The following ARVCF variants were observed in gnomAD, a reference collection of about 807,000 sequenced individuals.
The protein encoded by ARVCF is ARVCF delta catenin family member.
In ARVCF, 66 loss-of-function variants were observed where a neutral mutation model predicts 90.9. The ratio of observed to expected loss-of-function variants is 0.73; its 90% CI spans 0.60 to 0.89. The LOEUF is 0.89. ARVCF is among the 40% of genes least tolerant of loss of function. The pLI is 0.00. For synonymous variants in ARVCF, 653 were observed against 603.4 expected (o/e 1.08, Z -1.21); for missense variants, 1,469 against 1,382.3 (o/e 1.06, Z -1.00).
intron 2 of ARVCF, among the ~76,000 whole-genome samples, chr22:19,993,403 A>C (rs1192938130): frequency 6.6e-6 from 1 of 152,262 alleles, no homozygotes; most frequent in East Asian, 1.9e-4. Context: ...AAGGAAAGCA[A>C]AATGTGCATG....
chr22:19,992,403 C>G (rs1158905103), intron 2 of ARVCF, among the ~76,000 whole-genome samples: 9 of 152,194 alleles, frequency 5.9e-5, no homozygotes, highest in African/African-American at 2.2e-4. Context: ...AACAGCACTG[C>G]ACTCCCCAAG....
At chr22:19,968,758 C>T (rs1406904538), downstream of ARVCF, 8 of 1,600,902 alleles carry the variant, frequency 5.0e-6, no homozygotes, top group Non-Finnish European at 6.8e-6. Flanking sequence ...GCCCCCCTCT[C>T]GGGCTCTCTC....
Position 19,973,303 on chromosome 22 carries a change from C to T in ARVCF, c.2254G>A (p.Ala752Thr). The change falls in exon 14 of 20, where the codon GCT (alanine) becomes ACT (threonine). Residue 752 changes from alanine to threonine, a missense_variant. Coordinates refer to ENST00000263207, the MANE Select transcript of ARVCF (RefSeq NM_001670.3). ...NKDLIGSYAM[A>T]ELVRNVRNAQ... ...TTGCGCACATTCCGCACAAGCTCAG[C>T]CATGGCGTAGCTCCCTGAGGGGCAG... is the stretch of plus-strand genomic sequence containing the variant. 1 of 1,600,280 alleles carries T rather than the reference C, an allele frequency of 6.2e-7. No individual in the cohort carries two copies. The highest frequency in any genetic ancestry group is 8.5e-7 in the Non-Finnish European group (1 of 1,177,174).
intron 2 of ARVCF, among the ~76,000 whole-genome samples, chr22:20,009,023 C>T (rs370118821): frequency 6.6e-6 from 1 of 152,326 alleles, no homozygotes; most frequent in African/African-American, 2.4e-5. Context: ...GCCAACCACC[C>T]TCCTGCGGAC....
intron 2 of ARVCF, 109 bp from the exon 3 acceptor site, chr22:19,990,921 A>G: frequency 1.8e-6 from 2 of 1,090,076 alleles, no homozygotes; most frequent in Non-Finnish European, 2.6e-6. Flanking sequence ...CCCAGACCAG[A>G]GCATCCAGCC....
chr22:19,990,067 T>C (rs1943968410), intron 3 of ARVCF, among the ~76,000 whole-genome samples: 1 of 152,202 alleles, frequency 6.6e-6, no homozygotes. Flanking sequence ...TTTAGAGTTC[T>C]TAGGGCCTGG....
chr22:19,973,173 C>A lies in ARVCF; in HGVS notation c.2384G>T (p.Arg795Leu), dbSNP rs1243379048. Residue 795 changes from arginine (R) to leucine (L), a missense_variant, in exon 14 of 20, where the codon CGC (arginine) becomes CTC (leucine). Coordinates refer to ENST00000263207, the MANE Select transcript of ARVCF (RefSeq NM_001670.3). Reference protein sequence around the residue: ...EIVSDSLDNARSLLQARGVPA... With the variant: ...EIVSDSLDNALSLLQARGVPA... ...CACCCCGCGTGCCTGCAGGAGCGAGCGCGCGTTATCCAGGCTGTCGGACAC... is the reference window on the plus strand; with the variant it reads ...CACCCCGCGTGCCTGCAGGAGCGAGAGCGCGTTATCCAGGCTGTCGGACAC... The A allele has an allele frequency of 1.2e-6, 2 of 1,610,502 alleles. No homozygotes were observed. The highest frequency in any genetic ancestry group is 4.5e-5 in the East Asian group (2 of 44,712).
intron 2 of ARVCF, among the ~76,000 whole-genome samples, chr22:19,995,229 T>C (rs765252086): frequency 1.1e-4 from 16 of 151,572 alleles, no homozygotes; most frequent in Non-Finnish European, 1.6e-4. Context: ...GAATGGTGGC[T>C]AGTTGGATGG....
intron 12 of ARVCF, 68 bp from the exon 13 acceptor site, chr22:19,973,861 C>A (rs140073587): frequency 1.9e-5 from 30 of 1,550,926 alleles, no homozygotes; most frequent in Non-Finnish European, 2.5e-5. Flanking sequence ...AGACGCTGAC[C>A]GCTCTCTCCA....
Position 19,970,679 on chromosome 22 carries a change from G to T in ARVCF, c.*77C>A, listed in dbSNP as rs112601269. The T allele has an allele frequency of 7.8e-7, 1 of 1,288,322 alleles. No individual in the cohort carries two copies. Among genetic ancestry groups the T allele is most frequent in the Non-Finnish European group, 1.0e-6 (1 of 988,392 alleles). The allele number at this position is 1,288,322 out of a possible 1,614,324, so 79.8% of individuals were successfully genotyped here. On this transcript the variant is annotated 3_prime_UTR_variant, in exon 20 of 20. Coordinates refer to ENST00000263207, the MANE Select transcript of ARVCF (RefSeq NM_001670.3). ...CAGGGGGCTCCAAGCTCCACGGCAC[G>T]ATCTGCTCAGGGTGGCCCTTCTTCC...
At position 19,973,118 on chromosome 22, in the gene ARVCF, C is replaced by T. The variant is rs1942931353; in HGVS notation, c.2438+1G>A. On this transcript the variant is annotated splice_donor_variant, in intron 14 of 19. Transcript: ENST00000263207. LOFTEE classifies it high-confidence loss of function. Reference sequence around the variant, plus strand: ...AAGCCACCGACCCCGCCCCTCCACACCTGGAGGCCACGAGAGCCACCAACG... The same window carrying T: ...AAGCCACCGACCCCGCCCCTCCACATCTGGAGGCCACGAGAGCCACCAACG... The T allele has an allele frequency of 6.2e-7, 1 of 1,605,330 alleles. No individual in the cohort carries two copies. Among genetic ancestry groups the T allele is most frequent in the African/African-American group, 1.3e-5 (1 of 74,530 alleles).
intron 3 of ARVCF, among the ~76,000 whole-genome samples, chr22:19,984,230 G>A (rs1347492324): frequency 2.0e-5 from 3 of 152,148 alleles, no homozygotes; most frequent in Non-Finnish European, 2.9e-5. Context: ...CTAGGCAGTG[G>A]GGGTAAGCGG....
intron 3 of ARVCF, among the ~76,000 whole-genome samples, chr22:19,989,776 G>A (rs188361270): frequency 9.1e-4 from 138 of 152,160 alleles, no homozygotes; most frequent in African/African-American, 3.1e-3. Context: ...CCCAGAGGCC[G>A]CAGCAGGAGG....
intron 6 of ARVCF, 80 bp downstream of exon 6, chr22:19,979,663 C>T (rs539678397): frequency 6.9e-5 from 102 of 1,476,452 alleles, no homozygotes; most frequent in South Asian, 1.1e-4. Flanking sequence ...GGTCGCAGGC[C>T]GAGTGGCCTC....
At chr22:19,983,545 T>TGA in intron 3 of ARVCF, 1 of 152,286 alleles carries the variant, frequency 6.6e-6, no homozygotes, top group African/African-American at 2.4e-5. Flanking sequence ...GGTGTATCCC[T>TGA]CAGGCTGACA....
chr22:19,988,606 CT>C (rs1943910277), intron 3 of ARVCF, among the ~76,000 whole-genome samples: 1 of 152,230 alleles, frequency 6.6e-6, no homozygotes, highest in Admixed American at 6.5e-5. Flanking sequence ...AGCACTCCCC[CT>C]AGCCTGGTTC....
downstream of ARVCF, among the ~76,000 whole-genome samples, chr22:19,966,776 G>C (rs925574565): frequency 4.0e-5 from 6 of 148,488 alleles, no homozygotes; most frequent in East Asian, 1.2e-3. Context: ...ACAGTCTCTC[G>C]CTCTGTCGCC....
Position 19,990,954 on chromosome 22 carries a change from T to C in ARVCF, c.-18-142A>G, listed in dbSNP as rs188984229. The C allele has an allele frequency of 1.5e-4, 125 of 846,144 alleles. No individual in the cohort carries two copies. The East Asian group carries it at 2.6e-3, about 18-fold the overall frequency. 52.4% of individuals were successfully genotyped at this position (846,144 alleles called of 1,614,324 possible). A position where few individuals can be genotyped will look rare whatever the true frequency, so the allele number is the denominator to read the frequency against. ...GCCCTCTAGAGGGAAGCACACTGAT[T>C]AAATTCTAAATTAAAAGCCATTAAT... On this transcript the variant is annotated intron_variant, in intron 2 of 19. Coordinates refer to ENST00000263207, the MANE Select transcript of ARVCF (RefSeq NM_001670.3).
intron 3 of ARVCF, among the ~76,000 whole-genome samples, chr22:19,986,060 T>G (rs1943748918): frequency 6.6e-6 from 1 of 152,226 alleles, no homozygotes; most frequent in African/African-American, 2.4e-5. Context: ...CACACAGCAG[T>G]GCACCTGCCA....
Sources: allele counts gnomAD v4.1 joint callset (sites outside exome capture counted in the v4.1 genomes callset), GRCh38; gene constraint gnomAD v4.1.1; transcripts MANE v1.5; gene names NCBI Gene and HGNC (gene_info 2026-07-23, HGNC 2026-07-21).